The following KCNB2 variants were observed in gnomAD, a reference collection of about 807,000 sequenced individuals.
The protein encoded by KCNB2 is delayed rectifier potassium channel protein.
In KCNB2, 15 loss-of-function variants were observed where a neutral mutation model predicts 61.5. That is an observed-to-expected ratio of 0.24 (90% CI 0.16 to 0.38). The LOEUF is 0.38. Among genes scored for constraint, KCNB2 ranks in the 10% least tolerant of loss-of-function variants. The probability of loss-of-function intolerance (pLI) is 1.00; values close to 1 mark genes in which losing one functional copy is unlikely to be tolerated. For synonymous variants in KCNB2, 457 were observed against 446.0 expected, an observed-to-expected ratio of 1.02 and a Z score of -0.31; for missense variants, 828 against 1,125.2, an observed-to-expected ratio of 0.74 and a Z score of 3.78.
chr8:72,609,956 A>T (rs1001011167), intron 2 of KCNB2, among the ~76,000 whole-genome samples: 8 of 152,160 alleles, frequency 5.3e-5, no homozygotes, highest in Middle Eastern at 3.2e-3. Context: ...GAGTTGTACA[A>T]ACTGTGGCTC....
intron 1 of KCNB2, among the ~76,000 whole-genome samples, chr8:72,539,073 A>ATG (rs35087756): frequency 0.44 from 66,888 of 151,348 alleles, 17,440 homozygotes; most frequent in Admixed American, 0.58. Context: ...CTTTAGGGGC[A>ATG]TGTGTGTGTG....
At chr8:72,664,268 C>T (rs951070869) in intron 2 of KCNB2, among the ~76,000 whole-genome samples, 3 of 152,178 alleles carry the variant, frequency 2.0e-5, no homozygotes, top group African/African-American at 7.2e-5. Context: ...GCAGGGCCAG[C>T]CCAGGGATTA....
intron 2 of KCNB2, among the ~76,000 whole-genome samples, chr8:72,715,545 C>G (rs2128992244): frequency 6.6e-6 from 1 of 152,236 alleles, no homozygotes; most frequent in East Asian, 1.9e-4. Context: ...ACTGAACAAC[C>G]TGCTCCTGAA....
intron 1 of KCNB2, among the ~76,000 whole-genome samples, chr8:72,553,655 TA>T (rs1345408130): frequency 6.6e-6 from 1 of 152,098 alleles, no homozygotes; most frequent in Non-Finnish European, 1.5e-5. Flanking sequence ...AGAGTGCACA[TA>T]GAAAGCTTAG....
intron 2 of KCNB2, among the ~76,000 whole-genome samples, chr8:72,633,751 C>T (rs1805918653): frequency 1.3e-5 from 2 of 152,160 alleles, no homozygotes; most frequent in Non-Finnish European, 2.9e-5. Flanking sequence ...CCATGCAACA[C>T]AATTAAATGA....
intron 1 of KCNB2, among the ~76,000 whole-genome samples, chr8:72,559,434 C>T (rs554058603): frequency 4.6e-5 from 7 of 152,184 alleles, no homozygotes; most frequent in South Asian, 2.1e-4. Context: ...TGTGAGCCAC[C>T]GCACCCGGCC....
intron 2 of KCNB2, among the ~76,000 whole-genome samples, chr8:72,929,686 T>G (rs1170762063): frequency 6.6e-6 from 1 of 152,202 alleles, no homozygotes; most frequent in Non-Finnish European, 1.5e-5. Context: ...AGAGGTTAAG[T>G]GACCTTGCAG....
chr8:72,784,821 G>T (rs1324398948), intron 2 of KCNB2, among the ~76,000 whole-genome samples: 1 of 152,128 alleles, frequency 6.6e-6, no homozygotes, highest in African/African-American at 2.4e-5. Context: ...GGGATCTACT[G>T]AAGGCCAGGG....
chr8:72,921,243 C>T (rs1806515075), intron 2 of KCNB2, among the ~76,000 whole-genome samples: 1 of 152,032 alleles, frequency 6.6e-6, no homozygotes, highest in African/African-American at 2.4e-5. Context: ...ACACTGTTTA[C>T]CCTTTCTTAT....
chr8:72,789,764 G>A (rs1180498019), intron 2 of KCNB2, among the ~76,000 whole-genome samples: 2 of 152,096 alleles, frequency 1.3e-5, no homozygotes, highest in Non-Finnish European at 2.9e-5. Flanking sequence ...TTCTGGCATG[G>A]AGAGGGCAGT....
intron 1 of KCNB2, among the ~76,000 whole-genome samples, chr8:72,553,016 G>A (rs1806369180): frequency 6.7e-6 from 1 of 149,118 alleles, no homozygotes; most frequent in Non-Finnish European, 1.5e-5. Context: ...CTTTTCCTTT[G>A]TGCTTATTTC....
intron 2 of KCNB2, among the ~76,000 whole-genome samples, chr8:72,593,376 A>T (rs1405944640): frequency 2.6e-5 from 4 of 152,168 alleles, no homozygotes; most frequent in Non-Finnish European, 4.4e-5. Flanking sequence ...GATGTGTTAG[A>T]TTATCTCTTT....
intron 1 of KCNB2, 55 bp from the exon 2 acceptor site, chr8:72,567,587 A>G: frequency 3.3e-6 from 2 of 607,448 alleles, no homozygotes; most frequent in South Asian, 2.5e-5. Flanking sequence ...GATCCCATAG[A>G]ACAGAAACAC....
chr8:72,577,346 G>A (rs997947133), intron 2 of KCNB2, among the ~76,000 whole-genome samples: 2 of 151,662 alleles, frequency 1.3e-5, no homozygotes, highest in African/African-American at 2.4e-5. Flanking sequence ...AGAGAGAGAT[G>A]TTACTTATAT....
At chr8:72,882,020 A>C (rs1169223763) in intron 2 of KCNB2, among the ~76,000 whole-genome samples, 1 of 152,242 alleles carries the variant, frequency 6.6e-6, no homozygotes, top group African/African-American at 2.4e-5. Context: ...AACTGCAAAT[A>C]AGAGCAGTTC....
intron 1 of KCNB2, among the ~76,000 whole-genome samples, chr8:72,549,651 T>C (rs993210996): frequency 6.6e-6 from 1 of 152,174 alleles, no homozygotes; most frequent in African/African-American, 2.4e-5. Context: ...GTCATATTTC[T>C]TCAAAATAAA....
chr8:72,695,537 C>A (rs1043013276), intron 2 of KCNB2, among the ~76,000 whole-genome samples: 5 of 152,034 alleles, frequency 3.3e-5, no homozygotes, highest in Non-Finnish European at 1.5e-5. Flanking sequence ...AGTAATCTAA[C>A]AAAATGTGCA....
intron 2 of KCNB2, among the ~76,000 whole-genome samples, chr8:72,741,453 G>A (rs117781471): frequency 6.6e-6 from 1 of 152,244 alleles, no homozygotes; most frequent in East Asian, 1.9e-4. Flanking sequence ...TGAAGGAACA[G>A]GTAGTGTTTG....
intron 2 of KCNB2, among the ~76,000 whole-genome samples, chr8:72,728,417 A>G (rs1807686215): frequency 6.6e-6 from 1 of 152,136 alleles, no homozygotes; most frequent in African/African-American, 2.4e-5. Context: ...TTTGATCTAT[A>G]CATTCATCTA....
Sources: gnomAD v4.1 joint callset for allele counts (sites outside exome capture counted in the v4.1 genomes callset) on GRCh38, gnomAD v4.1.1 for gene constraint, MANE v1.5 for transcripts, NCBI Gene and HGNC (gene_info 2026-07-23, HGNC 2026-07-21) for gene names.